The following DDX17 variants were observed in gnomAD, a reference collection of about 807,000 sequenced individuals.
DDX17 encodes DEAD-box helicase 17, also known as probable ATP-dependent RNA helicase DDX17.
In DDX17, 10 loss-of-function variants were observed where a neutral mutation model predicts 80.8. The observed-to-expected ratio is 0.12, with a 90% CI of 0.08 to 0.21. DDX17 has a LOEUF of 0.21. DDX17 is among the 10% of genes least tolerant of loss of function. The pLI is 1.00. For missense variants in DDX17, 586 were observed against 957.4 expected (o/e 0.61, Z 5.12); for synonymous variants, 339 against 336.2 (o/e 1.01, Z -0.09).
chr22:38,496,369 A>G (rs2089767524), intron 5 of DDX17, among the ~76,000 whole-genome samples: 1 of 152,196 alleles, frequency 6.6e-6, no homozygotes, highest in Non-Finnish European at 1.5e-5. Context: ...GTTTTCTGAG[A>G]CAAAGTCTCA....
chr22:38,500,013 A>AT lies in DDX17; in HGVS notation c.439-515_439-514insA, dbSNP rs538869490. 4.7e-3 allele frequency among the ~76,000 whole-genome samples: 716 copies of AT among 151,986 alleles called. 5 individuals carry two copies. The highest frequency in any genetic ancestry group is 0.017 in the African/African-American group (696 of 41,444). The stretch of plus-strand genomic sequence containing the variant: ...AACTCCGTCTCTACTGAAAAAAAAA[A>AT]AATAAATAATAAATGAACCAGGCGT... On this transcript the variant is annotated intron_variant, in intron 2 of 12. Transcript: ENST00000403230.
At chr22:38,495,564 A>C (rs1211802076) in intron 6 of DDX17, among the ~76,000 whole-genome samples, 1 of 152,164 alleles carries the variant, frequency 6.6e-6, no homozygotes, top group African/African-American at 2.4e-5. Context: ...AAATTTTAAC[A>C]AAGTAACCGC....
chr22:38,504,394 G>C (rs1157107652), intron 1 of DDX17, among the ~76,000 whole-genome samples: 3 of 152,130 alleles, frequency 2.0e-5, no homozygotes, highest in African/African-American at 7.2e-5. Context: ...TTCTGTACAA[G>C]GATCCTGGGG....
At chr22:38,490,349 A>T (rs1288540954) in intron 11 of DDX17, 1 of 1,289,316 alleles carries the variant, frequency 7.8e-7, no homozygotes, top group African/African-American at 1.5e-5. Context: ...GACTAAGTCT[A>T]GCCAAGAGGC....
At chr22:38,495,989 A>AAG in intron 5 of DDX17, 52 bp from the exon 6 acceptor site, 1 of 1,418,234 alleles carries the variant, frequency 7.1e-7, no homozygotes, top group Non-Finnish European at 9.3e-7. Context: ...TAAAAAAAAA[A>AAG]AAAAAAAAAA....
At position 38,497,984 on chromosome 22, in the gene DDX17, G is replaced by C. The variant is rs556125242; in HGVS notation, c.738+101C>G. The C allele has an allele frequency of 3.8e-6, 4 of 1,061,314 alleles. No individual in the cohort carries two copies. In the South Asian group the frequency reaches 5.7e-5, roughly 15 times the overall value. 65.7% of individuals were successfully genotyped at this position (1,061,314 alleles called of 1,614,324 possible). On this transcript the variant is annotated intron_variant, in intron 5 of 12. Coordinates refer to ENST00000403230, the MANE Select transcript of DDX17 (RefSeq NM_006386.5). ...ATGAAACCATTTCCACCTATGGAGG[G>C]TGTGGTTAAGAGTACAAATGGATAA...
intron 1 of DDX17, among the ~76,000 whole-genome samples, chr22:38,503,020 G>A (rs868519329): frequency 6.6e-6 from 1 of 152,120 alleles, no homozygotes; most frequent in Admixed American, 6.5e-5. Flanking sequence ...AGATTTTATT[G>A]GGATCACTGG....
At chr22:38,488,708 G>C in intron 11 of DDX17, 1 of 987,618 alleles carries the variant, frequency 1.0e-6, no homozygotes, top group Non-Finnish European at 1.2e-6. Flanking sequence ...AAACTGAGTA[G>C]AGCCAAAGCT....
At chr22:38,487,614 G>A (rs992129791) in intron 12 of DDX17, among the ~76,000 whole-genome samples, 9 of 152,040 alleles carry the variant, frequency 5.9e-5, no homozygotes, top group African/African-American at 9.7e-5. Flanking sequence ...GCAAGACTCC[G>A]TCTCAAAACA....
chr22:38,497,924 C>G (rs1374005186), intron 5 of DDX17, among the ~76,000 whole-genome samples, 161 bp downstream of exon 5: 2 of 152,188 alleles, frequency 1.3e-5, no homozygotes, highest in African/African-American at 4.8e-5. Context: ...GCTGAGTGAT[C>G]TTGGGTAAGT....
rs200486967 is a variant in DDX17 at position 38,498,624 on chromosome 22, CA to C, written c.539-52del. On this transcript the variant is annotated intron_variant, in intron 3 of 12. Transcript: ENST00000403230. ...TTTTATTGTGTTTAAAGACACAAACCAAGAGTTTTTAAAAAAACTTTTAAGC... is the reference window on the plus strand; with the variant it reads ...TTTTATTGTGTTTAAAGACACAAACCAGAGTTTTTAAAAAAACTTTTAAGC... 5.3e-5 allele frequency: 84 copies of C among 1,589,014 alleles called. No homozygotes were observed. The East Asian group carries it at 1.3e-3, about 24-fold the overall frequency.
At chr22:38,504,972 G>A (rs1358525554) in intron 1 of DDX17, among the ~76,000 whole-genome samples, 2 of 152,168 alleles carry the variant, frequency 1.3e-5, no homozygotes, top group Non-Finnish European at 2.9e-5. Flanking sequence ...GCAATGGCGC[G>A]ATCTCGGCTC....
At chr22:38,493,087 G>A (rs951878361) in intron 10 of DDX17, among the ~76,000 whole-genome samples, 1 of 152,224 alleles carries the variant, frequency 6.6e-6, no homozygotes. Flanking sequence ...AGTACCCTCA[G>A]TAATTCAATC....
At chr22:38,503,216 C>T (rs1040452698) in intron 1 of DDX17, among the ~76,000 whole-genome samples, 2 of 152,108 alleles carry the variant, frequency 1.3e-5, no homozygotes, top group African/African-American at 2.4e-5. Context: ...CCTCAATTGC[C>T]GCTCCCGCCA....
At chr22:38,490,661 T>C (rs2089704916) in intron 11 of DDX17, 1 of 340,642 alleles carries the variant, frequency 2.9e-6, no homozygotes, top group South Asian at 2.4e-5. Flanking sequence ...AGCTGAAAAT[T>C]GCACCCCTGT....
chr22:38,499,608 A>AT, intron 2 of DDX17, 109 bp from the exon 3 acceptor site: 1 of 827,410 alleles, frequency 1.2e-6, no homozygotes, highest in Non-Finnish European at 2.0e-6. Context: ...GTTGGCAAAT[A>AT]TTTAATAGTT....
rs368559111 is a variant in DDX17 at position 38,495,718 on chromosome 22, C to CT, written c.880+77dup. 1.2e-5 allele frequency: 16 copies of CT among 1,288,780 alleles called. No homozygotes were observed. The South Asian group carries it at 2.2e-4, about 18-fold the overall frequency. 79.8% of individuals were successfully genotyped at this position (1,288,780 alleles called of 1,614,324 possible). A position where few individuals can be genotyped will look rare whatever the true frequency, so the allele number is the denominator to read the frequency against. On this transcript the variant is annotated intron_variant, in intron 6 of 12. Coordinates refer to ENST00000403230, the MANE Select transcript of DDX17 (RefSeq NM_006386.5). ...ATTCTGAGTTTATCACAAGAACCCA[C>CT]TTTTTTTCTCCAATTTCCTCCACAG...
At chr22:38,495,506 A>G (rs527786313) in intron 6 of DDX17, among the ~76,000 whole-genome samples, 1 of 152,242 alleles carries the variant, frequency 6.6e-6, no homozygotes, top group East Asian at 1.9e-4. Flanking sequence ...CGGCCTCCCA[A>G]AGTGCTGGGA....
In DDX17 at chr22:38,494,933, C is replaced by A; in HGVS notation, c.994G>T (p.Asp332Tyr). 1.2e-6 allele frequency: 2 copies of A among 1,614,242 alleles called. No individual in the cohort carries two copies. Among genetic ancestry groups the A allele is most frequent in the South Asian group, 2.2e-5 (2 of 91,090 alleles). The change falls in exon 7 of 13, where the codon GAT (aspartate) becomes TAT (tyrosine). Residue 332 changes from aspartate to tyrosine, a missense_variant. Asp to Tyr is a radical substitution (Grantham distance 160). Transcript: ENST00000403230. ...CGGATCTGGGGTTCAAACCCCATATCAAGCATTCTGTCAGCTTCGTCCAAT... is the reference window on the plus strand; with the variant it reads ...CGGATCTGGGGTTCAAACCCCATATAAAGCATTCTGTCAGCTTCGTCCAAT...
Sources: gnomAD v4.1 joint callset for allele counts (sites outside exome capture counted in the v4.1 genomes callset) on GRCh38, gnomAD v4.1.1 for gene constraint, MANE v1.5 for transcripts, NCBI Gene and HGNC (gene_info 2026-07-23, HGNC 2026-07-21) for gene names.